Variants in ATP8A1 observed in about 807,000 individuals in gnomAD.
The protein encoded by ATP8A1 is ATPase phospholipid transporting 8A1, also known as phospholipid-transporting ATPase IA.
Under a neutral mutation model 177.7 loss-of-function variants are expected in ATP8A1, and 90 were observed. That is an observed-to-expected ratio of 0.51 (90% confidence interval 0.43 to 0.60). The LOEUF (loss-of-function observed/expected upper bound fraction) is 0.60, where lower values mean the gene tolerates loss of function less well. Among genes scored for constraint, ATP8A1 ranks in the 20% least tolerant of loss-of-function variants. The probability of loss-of-function intolerance (pLI) is 0.00; values close to 1 mark genes in which losing one functional copy is unlikely to be tolerated. For synonymous variants in ATP8A1, 493 were observed against 485.9 expected (o/e 1.01, Z -0.19); for missense variants, 1,072 against 1,392.8 (o/e 0.77, Z 3.67).
At chr4:42,645,214 T>C (rs1222566669) in intron 1 of ATP8A1, among the ~76,000 whole-genome samples, 2 of 152,210 alleles carry the variant, frequency 1.3e-5, no homozygotes, top group Non-Finnish European at 1.5e-5. Context: ...ATAGTATTAA[T>C]GTATGACCTT....
In ATP8A1 at chr4:42,657,069, C is replaced by A. The variant is rs901611480; in HGVS notation, c.-196G>T. On this transcript the variant is annotated 5_prime_UTR_variant, in exon 1 of 37. Coordinates refer to ENST00000381668, the MANE Select transcript of ATP8A1 (RefSeq NM_006095.2). Reference sequence around the variant, plus strand: ...AGGAGGAGAAAGGCAGCGGTGGCGGCGAAGGTGGCGGCGCCCGCAGAGCTG... The same window carrying A: ...AGGAGGAGAAAGGCAGCGGTGGCGGAGAAGGTGGCGGCGCCCGCAGAGCTG... The A allele has an allele frequency of 3.2e-5, 15 of 464,006 alleles. No homozygotes were observed. The highest frequency in any genetic ancestry group is 2.2e-4 in the South Asian group (2 of 9,092). 28.7% of individuals were successfully genotyped at this position (464,006 alleles called of 1,614,324 possible). A position where few individuals can be genotyped will look rare whatever the true frequency, so the allele number is the denominator to read the frequency against.
At chr4:42,422,953 A>T in intron 34 of ATP8A1, 54 bp from the exon 35 acceptor site, 1 of 1,389,786 alleles carries the variant, frequency 7.2e-7, no homozygotes, top group Non-Finnish European at 1.0e-6. Context: ...TGAAGATTTT[A>T]CAAAACTAGA....
At chr4:42,632,912 A>G (rs558252115) in intron 1 of ATP8A1, among the ~76,000 whole-genome samples, 2 of 152,350 alleles carry the variant, frequency 1.3e-5, no homozygotes, top group South Asian at 2.1e-4. Flanking sequence ...AGTTACTCTC[A>G]GCTCTAAAAT....
intron 33 of ATP8A1, among the ~76,000 whole-genome samples, chr4:42,435,092 T>C (rs1435043613): frequency 6.6e-6 from 1 of 152,218 alleles, no homozygotes; most frequent in Non-Finnish European, 1.5e-5. Context: ...CACCAGTCAT[T>C]GACGAGCCCT....
At chr4:42,559,208 A>C (rs1294714335) in intron 15 of ATP8A1, among the ~76,000 whole-genome samples, 1 of 152,162 alleles carries the variant, frequency 6.6e-6, no homozygotes, top group Admixed American at 6.5e-5. Context: ...AACACAACCA[A>C]CTTCTGCAAG....
intron 1 of ATP8A1, among the ~76,000 whole-genome samples, chr4:42,645,891 T>A (rs1030464771): frequency 6.6e-6 from 1 of 150,884 alleles, no homozygotes; most frequent in African/African-American, 2.4e-5. Context: ...CTTAGACCCA[T>A]CTCATTTCTT....
chr4:42,611,981 G>A (rs1007620499), intron 5 of ATP8A1, among the ~76,000 whole-genome samples: 1 of 152,176 alleles, frequency 6.6e-6, no homozygotes, highest in Non-Finnish European at 1.5e-5. Context: ...TAGATACAAG[G>A]AAAATGAGCG....
Position 42,578,244 on chromosome 4 carries a change from C to A in ATP8A1, c.1128+16G>T, listed in dbSNP as rs762837098. ...AATTATTTTGTAGGGTGATAACAATCATAATTCATATTTACCCAATTTATG... is the reference window on the plus strand; with the variant it reads ...AATTATTTTGTAGGGTGATAACAATAATAATTCATATTTACCCAATTTATG... On this transcript the variant is annotated intron_variant, in intron 12 of 36. Transcript: ENST00000381668. 11 of 1,575,134 alleles carry A rather than the reference C, an allele frequency of 7.0e-6. No individual in the cohort carries two copies. Among genetic ancestry groups the A allele is most frequent in the South Asian group, 1.2e-5 (1 of 83,646 alleles).
At chr4:42,540,553 T>TTA (rs1728281015) in intron 20 of ATP8A1, among the ~76,000 whole-genome samples, 1 of 142,534 alleles carries the variant, frequency 7.0e-6, no homozygotes, top group Non-Finnish European at 1.6e-5. Flanking sequence ...GACCAATAGA[T>TTA]AAAAAAAAAA....
chr4:42,512,572 C>T (rs112454723), intron 22 of ATP8A1, among the ~76,000 whole-genome samples: 26 of 152,316 alleles, frequency 1.7e-4, no homozygotes, highest in South Asian at 8.3e-4. Flanking sequence ...AGAAACTCTC[C>T]TTGGATTCCT....
chr4:42,460,379 CTTTTTTTTTTTTTT>C (rs35296572), intron 27 of ATP8A1, among the ~76,000 whole-genome samples: 1 of 94,542 alleles, frequency 1.1e-5, no homozygotes, highest in African/African-American at 3.9e-5. Flanking sequence ...ATGGATGGAT[CTTTTTTTTTTTTTT>C]TTTTTTTTTT....
intron 22 of ATP8A1, among the ~76,000 whole-genome samples, chr4:42,515,085 T>C (rs1050940484): frequency 6.6e-6 from 1 of 152,258 alleles, no homozygotes; most frequent in Non-Finnish European, 1.5e-5. Flanking sequence ...TGGATCACGT[T>C]GTGTCTCACT....
chr4:42,465,030 G>T lies in ATP8A1; in HGVS notation c.2371C>A (p.Gln791Lys), dbSNP rs1420726054. The T allele has an allele frequency of 3.1e-6, 5 of 1,614,072 alleles. No homozygotes were observed. The highest frequency in any genetic ancestry group is 4.2e-6 in the Non-Finnish European group (5 of 1,179,992). ...KSEVVEMVKKQVKVVTLAIGD... is the reference protein window; with the variant it reads ...KSEVVEMVKKKVKVVTLAIGD... Reference sequence around the variant, plus strand: ...ATTGCAAGCGTTACGACTTTGACTTGTTTCTTAACCATCTCAACAACTTCA... The same window carrying T: ...ATTGCAAGCGTTACGACTTTGACTTTTTTCTTAACCATCTCAACAACTTCA... The change falls in exon 26 of 37, where the codon CAA becomes AAA. Residue 791 changes from glutamine to lysine, a missense_variant. This residue lies in a region of ATP8A1 where 316 missense variants were observed against 459.1 expected (regional missense o/e 0.69). Coordinates refer to ENST00000381668, the MANE Select transcript of ATP8A1 (RefSeq NM_006095.2).
At chr4:42,439,242 G>A (rs1716354568) in intron 33 of ATP8A1, among the ~76,000 whole-genome samples, 1 of 152,142 alleles carries the variant, frequency 6.6e-6, no homozygotes, top group Non-Finnish European at 1.5e-5. Context: ...AAACTCTTAG[G>A]AATTGGAAGA....
chr4:42,579,353 A>C (rs1446529682), intron 11 of ATP8A1, among the ~76,000 whole-genome samples: 6 of 109,120 alleles, frequency 5.5e-5, no homozygotes, highest in African/African-American at 8.2e-5. Context: ...AACAAAGTAT[A>C]TTTTATTTAA....
chr4:42,536,811 C>A (rs1727873164), intron 20 of ATP8A1, among the ~76,000 whole-genome samples: 1 of 152,120 alleles, frequency 6.6e-6, no homozygotes. Flanking sequence ...ATAAATGTGA[C>A]ACACCACATA....
At chr4:42,452,941 G>A (rs1381569604) in intron 29 of ATP8A1, among the ~76,000 whole-genome samples, 1 of 152,160 alleles carries the variant, frequency 6.6e-6, no homozygotes, top group Non-Finnish European at 1.5e-5. Flanking sequence ...TCCACTGTGA[G>A]CTCAATCTCT....
At chr4:42,441,210 G>A (rs560501427) in intron 33 of ATP8A1, among the ~76,000 whole-genome samples, 2 of 152,208 alleles carry the variant, frequency 1.3e-5, no homozygotes, top group South Asian at 2.1e-4. Context: ...GATAATATAT[G>A]TAATGTACAA....
At chr4:42,517,666 C>T (rs992833167) in intron 22 of ATP8A1, among the ~76,000 whole-genome samples, 1 of 152,112 alleles carries the variant, frequency 6.6e-6, no homozygotes, top group African/African-American at 2.4e-5. Context: ...TATTTAGTAA[C>T]AGCAAAAGAA....
Sources: gnomAD v4.1 joint callset for allele counts (sites outside exome capture counted in the v4.1 genomes callset) on GRCh38, gnomAD v4.1.1 for gene constraint, gnomAD v4.1.1 regional missense constraint, MANE v1.5 for transcripts, NCBI Gene and HGNC (gene_info 2026-07-23, HGNC 2026-07-21) for gene names.